Variants in CHIT1 observed in about 807,000 individuals in gnomAD.
The protein encoded by CHIT1 is chitotriosidase-1.
In CHIT1, 47 loss-of-function variants were observed where a neutral mutation model predicts 52.0. The ratio of observed to expected loss-of-function variants is 0.90; its 90% CI spans 0.71 to 1.15. The LOEUF (loss-of-function observed/expected upper bound fraction) is 1.15. Ranked by LOEUF, CHIT1 falls within the 50% of genes most tolerant of loss-of-function variation. The pLI, the probability that CHIT1 is intolerant of heterozygous loss-of-function variation, is 0.00. For synonymous variants in CHIT1, 242 were observed against 228.2 expected (o/e 1.06, Z -0.54); for missense variants, 569 against 583.0 (o/e 0.98, Z 0.25).
Position 203,222,244 on chromosome 1 carries a change from G to T in CHIT1, c.687C>A (p.Tyr229Ter). ...CTGCACCACTCTCTTCTTGCCTCTT[G>T]TAGAGGGGGCTGTTATGTCCCGTGA... is the stretch of plus-strand genomic sequence containing the variant. ...EKVTGHNSPL[Y>*]KRQEESGAAA... The change falls in exon 7 of 11, where the codon TAC becomes TAA. Residue 229 changes from tyrosine to a stop codon, truncating the protein, a stop_gained. Coordinates refer to ENST00000367229, the MANE Select transcript of CHIT1 (RefSeq NM_003465.3). LOFTEE classifies it high-confidence loss of function. 1 of 1,614,188 alleles carries T rather than the reference G, an allele frequency of 6.2e-7. No individual in the cohort carries two copies. The highest frequency in any genetic ancestry group is 2.2e-5 in the East Asian group (1 of 44,880).
At chr1:203,229,445 G>C (rs1657052324) in intron 1 of CHIT1, among the ~76,000 whole-genome samples, 167 bp downstream of exon 1, 1 of 152,146 alleles carries the variant, frequency 6.6e-6, no homozygotes, top group Non-Finnish European at 1.5e-5. Flanking sequence ...CACAGGAAAG[G>C]TAATCAAGGG....
chr1:203,225,473 G>A (rs763921008), intron 3 of CHIT1, among the ~76,000 whole-genome samples, 196 bp downstream of exon 3: 10 of 152,158 alleles, frequency 6.6e-5, no homozygotes, highest in Non-Finnish European at 1.3e-4. Context: ...AACTGGAAGG[G>A]ACCTTTGGGA....
rs1259007081 is a variant in CHIT1, at chr1:203,217,739, T to G, written c.1156A>C (p.Ser386Arg). The G allele has an allele frequency of 1.0e-5, 16 of 1,599,880 alleles. No individual in the cohort carries two copies. The highest frequency in any genetic ancestry group is 1.3e-5 in the Non-Finnish European group (15 of 1,179,502). ...CACTGGCCCTGGGCCCCTTACTTACTCAGTTCCTGCCGTAGCGTCTGGATG... is the reference window on the plus strand; with the variant it reads ...CACTGGCCCTGGGCCCCTTACTTACGCAGTTCCTGCCGTAGCGTCTGGATG... Reference protein sequence around the residue: ...PLIQTLRQELSLPYLPSGTPE... With the variant: ...PLIQTLRQELRLPYLPSGTPE... The change falls in exon 10 of 11, where the codon AGT becomes CGT. Residue 386 changes from serine to arginine, a missense_variant and splice_region_variant. Coordinates refer to ENST00000367229, the MANE Select transcript of CHIT1 (RefSeq NM_003465.3).
chr1:203,225,046 A>G lies in CHIT1; in HGVS notation c.314+2T>C. The G allele has an allele frequency of 6.2e-7, 1 of 1,613,712 alleles. No homozygotes were observed. The highest frequency in any genetic ancestry group is 8.5e-7 in the Non-Finnish European group (1 of 1,179,792). ...CCACACAGGTGACCACAGTCAACTA[A>G]CTTCTGAGTGCCGAAATTCCAGCCT... is the stretch of plus-strand genomic sequence containing the variant. On this transcript the variant is annotated splice_donor_variant, in intron 4 of 10. Coordinates refer to ENST00000367229, the MANE Select transcript of CHIT1 (RefSeq NM_003465.3). LOFTEE classifies it high-confidence loss of function.
chr1:203,225,633 A>G, intron 3 of CHIT1, 36 bp downstream of exon 3: 1 of 1,564,416 alleles, frequency 6.4e-7, no homozygotes, highest in East Asian at 2.3e-5. Flanking sequence ...TCACCCCACC[A>G]CATCCCACCC....
At chr1:203,227,189 G>A (rs1262265561) in intron 2 of CHIT1, among the ~76,000 whole-genome samples, 2 of 152,154 alleles carry the variant, frequency 1.3e-5, no homozygotes, top group African/African-American at 4.8e-5. Flanking sequence ...AGCATGGAGG[G>A]CTGACCTTGG....
At position 203,225,800 on chromosome 1, in the gene CHIT1, C is replaced by T; in HGVS notation, c.126G>A (p.Leu42=). 6.2e-7 allele frequency: 1 copy of T among 1,614,174 alleles called. No homozygotes were observed. The highest frequency in any genetic ancestry group is 8.5e-7 in the Non-Finnish European group (1 of 1,180,028). Residue 42 remains leucine (L), a synonymous_variant, in exon 3 of 11, where the codon CTG becomes CTA. Coordinates refer to ENST00000367229, the MANE Select transcript of CHIT1 (RefSeq NM_003465.3). ...AQYRQGEARF[L]PKDLDPSLCT... ...AAAGGCTGGGGTCCAAGTCCTTGGG[C>T]AGGAAGCGAGCCTCCCCCTGTCTGT...
Position 203,216,969 on chromosome 1 carries a change from C to T in CHIT1, c.1321G>A (p.Ala441Thr). 1 of 1,614,208 alleles carries T rather than the reference C, an allele frequency of 6.2e-7. No individual in the cohort carries two copies. The highest frequency in any genetic ancestry group is 8.5e-7 in the Non-Finnish European group (1 of 1,180,004). Residue 441 changes from alanine (A) to threonine (T), a missense_variant, in exon 11 of 11, where the codon GCA becomes ACA. Ala to Thr is a moderately conservative substitution (Grantham distance 58, BLOSUM62 0). Coordinates refer to ENST00000367229, the MANE Select transcript of CHIT1 (RefSeq NM_003465.3). ...PRERSSFYSC[A>T]AGRLFQQSCP... ...CTTTGCTGGAACAGCCGCCCCGCTG[C>T]ACAGCTGTAGAAGCTGGACCGTTCC...
At chr1:203,229,724 G>C, upstream of CHIT1, 8 of 1,422,506 alleles carry the variant, frequency 5.6e-6, no homozygotes, top group Non-Finnish European at 7.9e-6. Flanking sequence ...TCCCACCCCA[G>C]CCAGGAGTGT....
In CHIT1 at chr1:203,219,782, G is replaced by A. The variant is rs756524520; in HGVS notation, c.797C>T (p.Thr266Ile). The A allele has an allele frequency of 1.2e-5, 20 of 1,613,192 alleles. No homozygotes were observed. The highest frequency in any genetic ancestry group is 1.6e-5 in the Non-Finnish European group (19 of 1,179,948). ...PASKLILGMP[T>I]YGRSFTLASS... ...GGCCAGTGTGAAGGAGCGTCCGTAG[G>A]TAGGCATGCCAAGGATCAGCTTGCT... The change falls in exon 8 of 11, where the codon ACC (threonine) becomes ATC (isoleucine). Residue 266 changes from threonine (T) to isoleucine (I), a missense_variant. Coordinates refer to ENST00000367229, the MANE Select transcript of CHIT1 (RefSeq NM_003465.3).
chr1:203,222,324 T>G lies in CHIT1; in HGVS notation c.607A>C (p.Asn203His). Residue 203 changes from asparagine (N) to histidine (H), a missense_variant and splice_region_variant, in exon 7 of 11, where the codon AAC (asparagine) becomes CAC (histidine). Coordinates refer to ENST00000367229, the MANE Select transcript of CHIT1 (RefSeq NM_003465.3). ...GCCATAAGGTTGACAAAATCCAGGT[T>G]CCTGCAGGAGGCATGGAAGAGGAGG... ...AGYEVDKIAQ[N>H]LDFVNLMAYD... 1 of 1,614,116 alleles carries G rather than the reference T, an allele frequency of 6.2e-7. No homozygotes were observed.
At chr1:203,219,531 G>T (rs1224445710) in intron 8 of CHIT1, 133 bp downstream of exon 8, 24 of 1,148,452 alleles carry the variant, frequency 2.1e-5, no homozygotes, top group Non-Finnish European at 3.0e-5. Context: ...TGGCATGGAT[G>T]AGATGGAATT....
rs368107800 is a variant in CHIT1, at chr1:203,222,205, G to A, written c.726C>T (p.Asn242=). ...QEESGAAASL[N]VDAAVQQWLQ... ...TCAGCCCTCCTGCCACACGTACCAC[G>A]TTGAGGCTGGCTGCTGCACCACTCT... is the stretch of plus-strand genomic sequence containing the variant. The change falls in exon 7 of 11, where the codon AAC becomes AAT. Residue 242 remains asparagine (N), a synonymous_variant. Coordinates refer to ENST00000367229, the MANE Select transcript of CHIT1 (RefSeq NM_003465.3). 1.4e-5 allele frequency: 22 copies of A among 1,613,910 alleles called. No homozygotes were observed. Among genetic ancestry groups the A allele is most frequent in the East Asian group, 4.5e-5 (2 of 44,894 alleles).
rs537667531 is a variant in CHIT1 at position 203,223,516 on chromosome 1, C to T, written c.459G>A (p.Glu153=). The T allele has an allele frequency of 6.2e-7, 1 of 1,614,234 alleles. No homozygotes were observed. Among genetic ancestry groups the T allele is most frequent in the African/African-American group, 1.3e-5 (1 of 75,068 alleles). ...GSQGSPAVDK[E]RFTTLVQDLA... ...ATACCTGTACCAGGGTTGTGAAGCG[C>T]TCCTTGTCTACGGCAGGGCTCCCCT... Residue 153 remains glutamate, a synonymous_variant, in exon 5 of 11, where the codon GAG becomes GAA. Transcript: ENST00000367229.
chr1:203,223,435 T>A, intron 5 of CHIT1, 60 bp downstream of exon 5: 1 of 1,606,380 alleles, frequency 6.2e-7, no homozygotes, highest in Non-Finnish European at 8.5e-7. Context: ...ACATGTGCTG[T>A]GGGGGCTCCA....
intron 9 of CHIT1, chr1:203,218,133 G>A (rs758401351): frequency 1.4e-6 from 2 of 1,437,844 alleles, no homozygotes; most frequent in Admixed American, 4.2e-5. Flanking sequence ...AGTGTCAGTT[G>A]TGTGCACCTC....
intron 7 of CHIT1, among the ~76,000 whole-genome samples, chr1:203,221,097 T>C (rs1246103337): frequency 1.3e-5 from 2 of 152,202 alleles, no homozygotes; most frequent in African/African-American, 4.8e-5. Flanking sequence ...TGTGGGTGCC[T>C]GGCTCACTGG....
At position 203,222,300 on chromosome 1, in the gene CHIT1, C is replaced by CT. The variant is rs1558160799; in HGVS notation, c.630_631insA (p.Ala211SerfsTer15). 4 of 1,614,140 alleles carry CT rather than the reference C, an allele frequency of 2.5e-6. No homozygotes were observed. The East Asian group carries it at 6.7e-5, about 27-fold the overall frequency. On this transcript the variant is annotated frameshift_variant, in exon 7 of 11. Transcript: ENST00000367229. LOFTEE classifies it high-confidence loss of function. ...TCCCAAGAGCCATGGAAGTCGTAGG[C>CT]CATAAGGTTGACAAAATCCAGGTTC... is the stretch of plus-strand genomic sequence containing the variant.
Position 203,216,131 on chromosome 1 carries a change from C to T in CHIT1, c.*758G>A, listed in dbSNP as rs1350144154. Reference sequence around the variant, plus strand: ...GGACACCGTGTGCATGCTCTCTGGCCCATTTCAGGCCTTGGTTCTGGACTC... The same window carrying T: ...GGACACCGTGTGCATGCTCTCTGGCTCATTTCAGGCCTTGGTTCTGGACTC... On this transcript the variant is annotated 3_prime_UTR_variant, in exon 11 of 11. Transcript: ENST00000367229. The T allele has an allele frequency of 2.2e-6, 1 of 453,992 alleles. No individual in the cohort carries two copies. The allele number at this position is 453,992 out of a possible 1,614,324, so 28.1% of individuals were successfully genotyped here. A position where few individuals can be genotyped will look rare whatever the true frequency, so the allele number is the denominator to read the frequency against.
Sources: allele counts gnomAD v4.1 joint callset (sites outside exome capture counted in the v4.1 genomes callset), GRCh38; gene constraint gnomAD v4.1.1; transcripts MANE v1.5; gene names NCBI Gene and HGNC (gene_info 2026-07-23, HGNC 2026-07-21).